Variants in PRR16 observed in about 807,000 individuals in gnomAD.
PRR16 encodes protein Largen.
In PRR16, 6 loss-of-function variants were observed where a neutral mutation model predicts 18.2. The ratio of observed to expected loss-of-function variants is 0.33; its 90% CI spans 0.18 to 0.65. The LOEUF (loss-of-function observed/expected upper bound fraction) is 0.65. Ranked by LOEUF, PRR16 falls within the 30% of genes least tolerant of loss-of-function variation. PRR16 has a pLI of 0.74. For synonymous variants in PRR16, 151 were observed against 147.8 expected (o/e 1.02, Z -0.16); for missense variants, 412 against 376.6 (o/e 1.09, Z -0.78).
the PRR16 span, among the ~76,000 whole-genome samples, chr5:120,752,534 A>C: frequency 6.6e-6 from 1 of 152,148 alleles, no homozygotes; most frequent in Non-Finnish European, 1.5e-5. Flanking sequence ...AAACTGACTT[A>C]GTGAGACCCA....
the PRR16 span, among the ~76,000 whole-genome samples, chr5:120,789,319 C>G: frequency 6.6e-6 from 1 of 152,038 alleles, no homozygotes; most frequent in African/African-American, 2.4e-5. Context: ...GTTGGGTTGT[C>G]AGGGTGATAA....
At position 120,562,074 on chromosome 5, in the gene PRR16, G is replaced by A. The variant is rs552267647; in HGVS notation, c.159+97429G>A. 1.4e-4 allele frequency among the ~76,000 whole-genome samples: 22 copies of A among 152,134 alleles called. 1 individual carries two copies. In the South Asian group the frequency reaches 2.5e-3, roughly 17 times the overall value. ...GAGATCTGTTCAATCCTGAATATGG[G>A]ATATTGAAGTCTCCATGTATTATTG... On this transcript the variant is annotated intron_variant, in intron 1 of 1. Coordinates refer to ENST00000407149, the MANE Select transcript of PRR16 (RefSeq NM_001300783.2).
At chr5:120,786,673 ATATAAT>A in the PRR16 span, among the ~76,000 whole-genome samples, 1 of 151,462 alleles carries the variant, frequency 6.6e-6, no homozygotes, top group Admixed American at 6.6e-5. Context: ...GCAAATAAAT[ATATAAT>A]TATGAGACAT....
the PRR16 span, among the ~76,000 whole-genome samples, chr5:120,727,655 G>A: frequency 3.9e-5 from 6 of 152,096 alleles, no homozygotes; most frequent in Admixed American, 3.9e-4. Flanking sequence ...AACAAACAAT[G>A]TGGTTTTGAA....
intron 1 of PRR16, among the ~76,000 whole-genome samples, chr5:120,635,141 A>G (rs567065150): frequency 3.2e-4 from 49 of 152,148 alleles, no homozygotes; most frequent in Non-Finnish European, 3.7e-4. Context: ...GCCAACAAAT[A>G]AAAGTCCAGG....
chr5:120,630,897 A>T (rs1442851464), intron 1 of PRR16, among the ~76,000 whole-genome samples: 2 of 152,118 alleles, frequency 1.3e-5, no homozygotes. Context: ...ATTTTGAGAG[A>T]TGTTTTAAGT....
At chr5:120,481,823 A>G (rs1257799129) in intron 1 of PRR16, among the ~76,000 whole-genome samples, 9 of 152,176 alleles carry the variant, frequency 5.9e-5, no homozygotes, top group Non-Finnish European at 1.3e-4. Context: ...TTTCAAAACA[A>G]ATTTTGAAAT....
At chr5:120,791,620 T>TATCTATCTATCTATCC in the PRR16 span, among the ~76,000 whole-genome samples, 230 of 136,384 alleles carry the variant, frequency 1.7e-3, no homozygotes, top group Non-Finnish European at 2.7e-3. Flanking sequence ...TCTATCTATC[T>TATCTATCTATCTATCC]ATCCATCCAT....
At chr5:120,511,944 C>A (rs1250171879) in intron 1 of PRR16, among the ~76,000 whole-genome samples, 1 of 152,130 alleles carries the variant, frequency 6.6e-6, no homozygotes. Flanking sequence ...TGTTTTTAAA[C>A]GTTTTGATGA....
the PRR16 span, among the ~76,000 whole-genome samples, chr5:120,736,759 A>C: frequency 6.6e-6 from 1 of 151,776 alleles, no homozygotes; most frequent in African/African-American, 2.4e-5. Context: ...GTCTTCTTTA[A>C]TTTCCTTCAG....
At chr5:120,687,958 A>T (rs1057105562), downstream of PRR16, among the ~76,000 whole-genome samples, 1 of 152,202 alleles carries the variant, frequency 6.6e-6, no homozygotes, top group Non-Finnish European at 1.5e-5. Context: ...TAGAGTTATG[A>T]TGAGGACAGG....
chr5:120,660,997 C>G (rs1756155064), intron 1 of PRR16, among the ~76,000 whole-genome samples: 1 of 152,026 alleles, frequency 6.6e-6, no homozygotes, highest in African/African-American at 2.4e-5. Context: ...TTGAGAGTTT[C>G]TGTCAGTTGT....
chr5:120,495,747 G>A (rs1056533741), intron 1 of PRR16, among the ~76,000 whole-genome samples: 9 of 152,004 alleles, frequency 5.9e-5, no homozygotes, highest in South Asian at 2.1e-4. Context: ...GTAGACAATC[G>A]TACCCTTTGC....
At chr5:120,773,757 A>C in the PRR16 span, among the ~76,000 whole-genome samples, 1 of 152,148 alleles carries the variant, frequency 6.6e-6, no homozygotes, top group Non-Finnish European at 1.5e-5. Flanking sequence ...AAGACAAGTA[A>C]ATGAGTACAG....
intron 1 of PRR16, among the ~76,000 whole-genome samples, chr5:120,628,677 A>G (rs1754949993): frequency 6.7e-6 from 1 of 149,790 alleles, no homozygotes; most frequent in African/African-American, 2.5e-5. Context: ...CTATCTATCT[A>G]TCTATCTATC....
chr5:120,477,367 T>G (rs1749476624), intron 1 of PRR16, among the ~76,000 whole-genome samples: 1 of 152,112 alleles, frequency 6.6e-6, no homozygotes. Flanking sequence ...CCCTCCCTTG[T>G]CAGTTAACGG....
intron 1 of PRR16, among the ~76,000 whole-genome samples, chr5:120,630,652 C>T (rs2112838480): frequency 6.6e-6 from 1 of 151,972 alleles, no homozygotes; most frequent in East Asian, 1.9e-4. Context: ...TTTATTTTTC[C>T]TGCCTACCCG....
At chr5:120,468,864 A>C (rs901800146) in intron 1 of PRR16, among the ~76,000 whole-genome samples, 7 of 152,234 alleles carry the variant, frequency 4.6e-5, no homozygotes, top group Middle Eastern at 3.2e-3. Flanking sequence ...TTCAAGTAAC[A>C]AGGCTACTAT....
intron 1 of PRR16, among the ~76,000 whole-genome samples, chr5:120,483,452 C>CATAA (rs1273718335): frequency 1.3e-5 from 2 of 151,900 alleles, no homozygotes; most frequent in Non-Finnish European, 2.9e-5. Context: ...GTTCAACATA[C>CATAA]ATACATACAT....
Sources: allele counts gnomAD v4.1 joint callset (sites outside exome capture counted in the v4.1 genomes callset), GRCh38; gene constraint gnomAD v4.1.1; transcripts MANE v1.5; gene names NCBI Gene and HGNC (gene_info 2026-07-23, HGNC 2026-07-21).